Variants in ASPH observed in about 807,000 individuals in gnomAD.
ASPH encodes aspartyl/asparaginyl beta-hydroxylase.
Under a neutral mutation model 118.4 loss-of-function variants are expected in ASPH, and 100 were observed. The observed-to-expected ratio is 0.84, with a 90% confidence interval of 0.72 to 1.00. ASPH has a LOEUF of 1.00. Ranked by LOEUF, ASPH falls within the 50% of genes least tolerant of loss-of-function variation. The pLI is 0.00. For missense variants in ASPH, 920 were observed against 919.5 expected (o/e 1.00, Z -0.01); for synonymous variants, 315 against 325.6 (o/e 0.97, Z 0.35).
At chr8:61,658,870 A>C (rs1815217663) in intron 3 of ASPH, 1 of 152,186 alleles carries the variant, frequency 6.6e-6, no homozygotes, top group South Asian at 2.1e-4. Flanking sequence ...TTGTATAGTC[A>C]CCATTCAATA....
At chr8:61,665,353 A>G in intron 3 of ASPH, 1 of 1,613,878 alleles carries the variant, frequency 6.2e-7, no homozygotes, top group Non-Finnish European at 8.5e-7. Context: ...CCATTTTACT[A>G]GAAACATCCT....
chr8:61,536,080 C>A (rs533161213), intron 21 of ASPH, among the ~76,000 whole-genome samples: 2 of 143,020 alleles, frequency 1.4e-5, no homozygotes, highest in East Asian at 4.2e-4. Flanking sequence ...CACTCTGTCA[C>A]CCAGGCTGGA....
intron 14 of ASPH, among the ~76,000 whole-genome samples, chr8:61,613,987 T>C (rs530483018): frequency 6.6e-6 from 1 of 152,324 alleles, no homozygotes; most frequent in East Asian, 1.9e-4. Flanking sequence ...TATGAAGTAC[T>C]AGTTGCACCA....
chr8:61,539,428 A>C (rs1479428823), intron 21 of ASPH, among the ~76,000 whole-genome samples: 1 of 152,024 alleles, frequency 6.6e-6, no homozygotes, highest in Non-Finnish European at 1.5e-5. Context: ...ACAGTAAAGA[A>C]AGGAAGGAAG....
In ASPH at chr8:61,714,493, G is replaced by GCGGCCCTGTGCCT; in HGVS notation, c.-123_-122insAGGCACAGGGCCG. 8 of 1,319,532 alleles carry GCGGCCCTGTGCCT rather than the reference G, an allele frequency of 6.1e-6. No individual in the cohort carries two copies. In the South Asian group the frequency reaches 1.4e-4, roughly 23 times the overall value. The allele number at this position is 1,319,532 out of a possible 1,614,324, so 81.7% of individuals were successfully genotyped here. A position where few individuals can be genotyped will look rare whatever the true frequency, so the allele number is the denominator to read the frequency against. On this transcript the variant is annotated 5_prime_UTR_variant, in exon 1 of 25. Transcript: ENST00000379454. The stretch of plus-strand genomic sequence containing the variant: ...GGAGCGGGTTCGGGCCGCTGCTCCT[G>GCGGCCCTGTGCCT]CAGCAGACCCTGTGCCTCAGCACCG...
At chr8:61,687,215 A>C (rs1285810794) in intron 1 of ASPH, among the ~76,000 whole-genome samples, 1 of 152,186 alleles carries the variant, frequency 6.6e-6, no homozygotes, top group Non-Finnish European at 1.5e-5. Context: ...AAAATTTCTG[A>C]GATTCTGAAA....
At chr8:61,673,645 T>G (rs964560977) in intron 3 of ASPH, among the ~76,000 whole-genome samples, 1 of 152,110 alleles carries the variant, frequency 6.6e-6, no homozygotes, top group African/African-American at 2.4e-5. Flanking sequence ...AGACATGAGG[T>G]AGGAAAAGAC....
At chr8:61,662,811 T>C (rs959184127) in intron 3 of ASPH, 3 of 978,074 alleles carry the variant, frequency 3.1e-6, no homozygotes, top group African/African-American at 3.5e-5. Flanking sequence ...ATCAATGAGA[T>C]AGCCAAAACA....
intron 18 of ASPH, among the ~76,000 whole-genome samples, chr8:61,557,984 A>C (rs1308466928): frequency 6.6e-6 from 1 of 152,238 alleles, no homozygotes; most frequent in Admixed American, 6.5e-5. Context: ...CATTATCTCA[A>C]GTAATTAACA....
At chr8:61,510,693 G>A (rs541191772) in intron 24 of ASPH, among the ~76,000 whole-genome samples, 2 of 152,204 alleles carry the variant, frequency 1.3e-5, no homozygotes, top group Non-Finnish European at 1.5e-5. Flanking sequence ...CAGAGCAGGG[G>A]TCAAGACATG....
chr8:61,671,693 GA>G (rs573904123), intron 3 of ASPH, among the ~76,000 whole-genome samples: 113 of 152,224 alleles, frequency 7.4e-4, no homozygotes, highest in African/African-American at 2.6e-3. Flanking sequence ...ACAGAAATTA[GA>G]AAAAAGATCT....
rs1216731968 is a variant in ASPH at position 61,632,788 on chromosome 8, T to C, written c.934+895A>G. The C allele has an allele frequency of 3.2e-5, 7 of 217,176 alleles. No individual in the cohort carries two copies. The East Asian group carries it at 4.5e-4, about 14-fold the overall frequency. 13.5% of individuals were successfully genotyped at this position (217,176 alleles called of 1,614,324 possible). A position where few individuals can be genotyped will look rare whatever the true frequency, so the allele number is the denominator to read the frequency against. On this transcript the variant is annotated intron_variant, in intron 13 of 24. Coordinates refer to ENST00000379454, the MANE Select transcript of ASPH (RefSeq NM_004318.4). The stretch of plus-strand genomic sequence containing the variant: ...CTTTTTTATCATTAAAGAAAGAAAA[T>C]TGAAATTTAGTATTTAATAAATTTT...
intron 16 of ASPH, among the ~76,000 whole-genome samples, chr8:61,573,243 C>T (rs925149895): frequency 3.3e-5 from 5 of 152,192 alleles, no homozygotes; most frequent in Admixed American, 1.3e-4. Context: ...ACATTCCATG[C>T]TCATGGATAG....
At chr8:61,710,668 G>T (rs1837856782) in intron 1 of ASPH, among the ~76,000 whole-genome samples, 1 of 152,186 alleles carries the variant, frequency 6.6e-6, no homozygotes. Flanking sequence ...TGCAGTGGAA[G>T]AATTATGGTC....
intron 10 of ASPH, 33 bp downstream of exon 10, chr8:61,642,855 A>AG: frequency 2.0e-6 from 3 of 1,501,732 alleles, no homozygotes; most frequent in Non-Finnish European, 2.7e-6. Flanking sequence ...CAAAAAAAAA[A>AG]AGAAAAAAAA....
intron 24 of ASPH, among the ~76,000 whole-genome samples, chr8:61,504,904 T>C (rs1471217883): frequency 6.6e-6 from 1 of 152,182 alleles, no homozygotes; most frequent in African/African-American, 2.4e-5. Context: ...GAAAGTTCAC[T>C]GAAGTTGGGA....
At chr8:61,562,277 G>C (rs1441008893) in intron 18 of ASPH, among the ~76,000 whole-genome samples, 1 of 71,694 alleles carries the variant, frequency 1.4e-5, no homozygotes, top group Non-Finnish European at 2.9e-5. Context: ...TGAAGAGTCA[G>C]TGCCCTGCTG....
At chr8:61,703,393 T>TA (rs905264436) in intron 1 of ASPH, among the ~76,000 whole-genome samples, 5 of 151,996 alleles carry the variant, frequency 3.3e-5, no homozygotes, top group African/African-American at 7.2e-5. Flanking sequence ...TCTATTTTCT[T>TA]AAAAAAAACT....
chr8:61,513,289 C>T (rs374718357), intron 24 of ASPH, among the ~76,000 whole-genome samples: 4 of 152,202 alleles, frequency 2.6e-5, no homozygotes, highest in African/African-American at 9.7e-5. Flanking sequence ...AGATTTCATA[C>T]TAGACTCTTT....
Sources: allele counts gnomAD v4.1 joint callset (sites outside exome capture counted in the v4.1 genomes callset), GRCh38; gene constraint gnomAD v4.1.1; transcripts MANE v1.5; gene names NCBI Gene and HGNC (gene_info 2026-07-23, HGNC 2026-07-21).